The following TPD52 variants were observed in gnomAD, a reference collection of about 807,000 sequenced individuals.
The protein encoded by TPD52 is tumor protein D52, also known as prostate and colon associated protein.
Under a neutral mutation model 31.3 loss-of-function variants are expected in TPD52, and 17 were observed. That is an observed-to-expected ratio of 0.54 (90% CI 0.37 to 0.82). TPD52 has a LOEUF of 0.82. Among genes scored for constraint, TPD52 ranks in the 40% least tolerant of loss-of-function variants. The pLI, the probability that TPD52 is intolerant of heterozygous loss-of-function variation, is 0.00. For missense variants in TPD52, 212 were observed against 240.1 expected (o/e 0.88, Z 0.77); for synonymous variants, 83 against 89.6 (o/e 0.93, Z 0.42).
rs781725707 is a variant in TPD52 at position 80,053,285 on chromosome 8, G to A, written c.281C>T (p.Ser94Phe). The change falls in exon 3 of 8, where the codon TCT (serine) becomes TTT (phenylalanine). Residue 94 changes from serine (S) to phenylalanine (F), a missense_variant. By Grantham distance (155) the Ser-to-Phe change is radical (BLOSUM62 -2). Coordinates refer to ENST00000518937, the MANE Select transcript of TPD52 (RefSeq NM_001025253.3). ...AKGWQDVTATSAYKKTSETLS... is the reference protein window; with the variant it reads ...AKGWQDVTATFAYKKTSETLS... ...GTGTATGATCAAGGAAACATACGCA[G>A]ATGTTGCTGTCACGTCTTGCCACCC... The A allele has an allele frequency of 5.6e-6, 9 of 1,613,230 alleles. No homozygotes were observed. The South Asian group carries it at 9.9e-5, about 18-fold the overall frequency.
chr8:80,077,153 T>C (rs1389091011), intron 1 of TPD52, among the ~76,000 whole-genome samples: 1 of 151,770 alleles, frequency 6.6e-6, no homozygotes, highest in African/African-American at 2.4e-5. Flanking sequence ...CGCGCACCTA[T>C]AGTCCCAGGT....
chr8:80,148,317 A>AGTGTGTGTGTGTGTGTGTGT lies in TPD52; in HGVS notation c.19+23088_19+23107dup, dbSNP rs34231994. Among the ~76,000 whole-genome samples the AGTGTGTGTGTGTGTGTGTGT allele has an allele frequency of 6.9e-3, 992 of 143,980 alleles. 12 individuals are homozygous for AGTGTGTGTGTGTGTGTGTGT. Among genetic ancestry groups the AGTGTGTGTGTGTGTGTGTGT allele is most frequent in the African/African-American group, 0.025 (935 of 37,744 alleles). The allele number at this position is 143,980 out of a possible 152,430, so 94.5% of individuals were successfully genotyped here. On this transcript the variant is annotated intron_variant, in intron 1 of 7. Coordinates refer to ENST00000518937, the MANE Select transcript of TPD52 (RefSeq NM_001025253.3). ...ACAAGTGCACCACCATTCCTGGCTA[A>AGTGTGTGTGTGTGTGTGTGT]GTGTGTGTGTGTGTGTGTGTGTGTG... is the stretch of plus-strand genomic sequence containing the variant.
At chr8:80,056,218 A>G (rs1811867795) in intron 2 of TPD52, among the ~76,000 whole-genome samples, 2 of 152,372 alleles carry the variant, frequency 1.3e-5, no homozygotes, top group African/African-American at 4.8e-5. Context: ...ATTTGCAGCA[A>G]CATGGATGAG....
At chr8:80,136,180 T>TGAAAAAAAAAAAAAA (rs1809389931) in intron 1 of TPD52, among the ~76,000 whole-genome samples, 2 of 127,676 alleles carry the variant, frequency 1.6e-5, no homozygotes, top group Non-Finnish European at 1.6e-5. Flanking sequence ...TCTTTGAGGT[T>TGAAAAAAAAAAAAAA]AAAAAAAAAA....
rs995427407 is a variant in TPD52 at position 80,035,653 on chromosome 8, C to G, written c.*2463G>C. 1.3e-5 allele frequency: 2 copies of G among 152,216 alleles called. No homozygotes were observed. Among genetic ancestry groups the G allele is most frequent in the Non-Finnish European group, 2.9e-5 (2 of 68,044 alleles). 9.4% of individuals were successfully genotyped at this position (152,216 alleles called of 1,614,324 possible). ...TAAGGTGATAATCCAGTTTTGAGCT[C>G]TACTCTCTTCCACTGACTACTTGGC... On this transcript the variant is annotated 3_prime_UTR_variant, in exon 8 of 8. Transcript: ENST00000518937.
chr8:80,085,481 G>GAGA (rs1815667057), intron 1 of TPD52, among the ~76,000 whole-genome samples: 1 of 152,146 alleles, frequency 6.6e-6, no homozygotes, highest in Non-Finnish European at 1.5e-5. Context: ...ACGTCAAAGG[G>GAGA]AGACAATGTG....
chr8:80,140,561 C>A, intron 1 of TPD52, among the ~76,000 whole-genome samples: 1 of 152,152 alleles, frequency 6.6e-6, no homozygotes, highest in East Asian at 1.9e-4. Context: ...TTGTAAGTAA[C>A]AACGGTTAAG....
chr8:80,037,327 T>C lies in TPD52; in HGVS notation c.*789A>G, dbSNP rs1217529535. On this transcript the variant is annotated 3_prime_UTR_variant, in exon 8 of 8. Transcript: ENST00000518937. ...TGTTCATAGTTCAACCTACTGAACATACAGTGTGCTTGATTCAGAATGTTA... is the reference window on the plus strand; with the variant it reads ...TGTTCATAGTTCAACCTACTGAACACACAGTGTGCTTGATTCAGAATGTTA... 6.6e-6 allele frequency: 1 copy of C among 152,306 alleles called. No individual in the cohort carries two copies. The highest frequency in any genetic ancestry group is 2.4e-5 in the African/African-American group (1 of 41,448). The allele number at this position is 152,306 out of a possible 1,614,324, so 9.4% of individuals were successfully genotyped here.
intron 6 of TPD52, among the ~76,000 whole-genome samples, chr8:80,043,178 A>C (rs1810538722): frequency 6.6e-6 from 1 of 152,180 alleles, no homozygotes; most frequent in African/African-American, 2.4e-5. Context: ...GAAAGCAGGG[A>C]CCAAAAAGAA....
chr8:80,146,636 A>G (rs1810216001), intron 1 of TPD52, among the ~76,000 whole-genome samples: 2 of 152,252 alleles, frequency 1.3e-5, no homozygotes, highest in African/African-American at 2.4e-5. Flanking sequence ...AGCTGCATAA[A>G]GGAGGAATAA....
intron 1 of TPD52, among the ~76,000 whole-genome samples, chr8:80,158,115 C>T (rs761658227): frequency 4.6e-5 from 7 of 152,026 alleles, no homozygotes; most frequent in Non-Finnish European, 7.4e-5. Flanking sequence ...AGCAAATTCC[C>T]ATCACTTAAT....
chr8:80,106,246 A>G (rs1454911618), intron 1 of TPD52, among the ~76,000 whole-genome samples: 1 of 152,230 alleles, frequency 6.6e-6, no homozygotes, highest in Non-Finnish European at 1.5e-5. Flanking sequence ...GTATAACACA[A>G]AGGACAATCC....
At position 80,037,325 on chromosome 8, in the gene TPD52, C is replaced by T. The variant is rs1275454979; in HGVS notation, c.*791G>A. 1 of 152,268 alleles carries T rather than the reference C, an allele frequency of 6.6e-6. No individual in the cohort carries two copies. The highest frequency in any genetic ancestry group is 1.9e-4 in the East Asian group (1 of 5,194). 9.4% of individuals were successfully genotyped at this position (152,268 alleles called of 1,614,324 possible). A position where few individuals can be genotyped will look rare whatever the true frequency, so the allele number is the denominator to read the frequency against. On this transcript the variant is annotated 3_prime_UTR_variant, in exon 8 of 8. Coordinates refer to ENST00000518937, the MANE Select transcript of TPD52 (RefSeq NM_001025253.3). The stretch of plus-strand genomic sequence containing the variant: ...AGTGTTCATAGTTCAACCTACTGAA[C>T]ATACAGTGTGCTTGATTCAGAATGT...
At chr8:80,111,949 G>A (rs987717418) in intron 1 of TPD52, among the ~76,000 whole-genome samples, 2 of 152,168 alleles carry the variant, frequency 1.3e-5, no homozygotes, top group South Asian at 2.1e-4. Context: ...GTAAACAGTG[G>A]CATTTGTTGC....
chr8:80,094,442 A>G (rs10090709), intron 1 of TPD52, among the ~76,000 whole-genome samples: 1 of 38,142 alleles, frequency 2.6e-5, no homozygotes, highest in Non-Finnish European at 4.7e-5. Context: ...ATATATATAT[A>G]TATATATATA....
intron 1 of TPD52, among the ~76,000 whole-genome samples, chr8:80,095,616 C>T (rs6986515): frequency 0.45 from 68,706 of 151,952 alleles, 18,820 homozygotes; most frequent in East Asian, 0.8. Context: ...CTCTGCACTA[C>T]TTGTTCAATT....
chr8:80,094,431 TA>T (rs1816538070), intron 1 of TPD52, among the ~76,000 whole-genome samples: 12 of 2,798 alleles, frequency 4.3e-3, no homozygotes, highest in South Asian at 0.036. Flanking sequence ...AAGAAAATTT[TA>T]TATATATATA....
intron 1 of TPD52, among the ~76,000 whole-genome samples, chr8:80,130,151 T>C (rs1051822563): frequency 6.6e-6 from 1 of 152,028 alleles, no homozygotes; most frequent in Non-Finnish European, 1.5e-5. Flanking sequence ...TCTGCTGAGA[T>C]GAAGAGGAGG....
At chr8:80,057,259 A>G (rs547288635) in intron 2 of TPD52, among the ~76,000 whole-genome samples, 2 of 152,308 alleles carry the variant, frequency 1.3e-5, no homozygotes, top group South Asian at 2.1e-4. Context: ...TAACAGTCCT[A>G]AAGTTCAGCC....
Sources: allele counts gnomAD v4.1 joint callset (sites outside exome capture counted in the v4.1 genomes callset), GRCh38; gene constraint gnomAD v4.1.1; transcripts MANE v1.5; gene names NCBI Gene and HGNC (gene_info 2026-07-23, HGNC 2026-07-21).